Variants in SLC28A3 observed in about 807,000 individuals in gnomAD.
SLC28A3 encodes solute carrier family 28 member 3.
SLC28A3 carries 68 observed loss-of-function variants against 84.2 expected under a neutral mutation model. The ratio of observed to expected loss-of-function variants is 0.81; its 90% confidence interval spans 0.66 to 0.99. SLC28A3 has a LOEUF of 0.99. SLC28A3 is among the 50% of genes least tolerant of loss of function. The pLI is 0.00. For missense variants in SLC28A3, 712 were observed against 841.5 expected (o/e 0.85, Z 1.90); for synonymous variants, 267 against 303.6 (o/e 0.88, Z 1.25).
At chr9:84,335,020 C>A (rs888361704) in intron 1 of SLC28A3, among the ~76,000 whole-genome samples, 1 of 152,094 alleles carries the variant, frequency 6.6e-6, no homozygotes, top group Non-Finnish European at 1.5e-5. Flanking sequence ...TCCTTAAGCG[C>A]TACTGTTTCC....
intron 1 of SLC28A3, among the ~76,000 whole-genome samples, chr9:84,314,935 G>A (rs924115242): frequency 2.0e-5 from 3 of 152,232 alleles, no homozygotes; most frequent in African/African-American, 7.2e-5. Context: ...ACATTAGCTG[G>A]GCGTGGTGGC....
At chr9:84,354,407 T>A in the SLC28A3 span, among the ~76,000 whole-genome samples, 3 of 152,242 alleles carry the variant, frequency 2.0e-5, no homozygotes, top group Non-Finnish European at 4.4e-5. Flanking sequence ...CACCTAGGAC[T>A]TCTTGTGCTA....
intron 1 of SLC28A3, among the ~76,000 whole-genome samples, chr9:84,314,859 A>G (rs1826112785): frequency 6.6e-6 from 1 of 152,212 alleles, no homozygotes; most frequent in South Asian, 2.1e-4. Flanking sequence ...TGGGCGGATC[A>G]CGAGGTCAGG....
intron 1 of SLC28A3, among the ~76,000 whole-genome samples, chr9:84,316,039 A>G (rs1369013164): frequency 1.3e-5 from 2 of 152,254 alleles, no homozygotes; most frequent in Middle Eastern, 6.8e-3. Flanking sequence ...TAGGTGTGCT[A>G]AAAGATGAGG....
rs1459252838 is a variant in SLC28A3 at position 84,297,887 on chromosome 9, T to C, written c.783+19A>G. On this transcript the variant is annotated intron_variant, in intron 7 of 17. Transcript: ENST00000376238. ...TAAAAGCACCATAAAAGCAAAGTGTTCTTTTGAACCAAACTTACCTGAACT... is the reference window on the plus strand; with the variant it reads ...TAAAAGCACCATAAAAGCAAAGTGTCCTTTTGAACCAAACTTACCTGAACT... 1 of 1,580,362 alleles carries C rather than the reference T, an allele frequency of 6.3e-7. No homozygotes were observed. The highest frequency in any genetic ancestry group is 2.0e-5 in the Admixed American group (1 of 49,970).
rs71498094 is a variant in SLC28A3 at position 84,286,445 on chromosome 9, C to CTTTTTT, written c.1281-340_1281-335dup. ...ATAGCATGTGTGCCACCATGCTTGG[C>CTTTTTT]TTTTTTTTTTTTTTTTTTTTTTTAA... On this transcript the variant is annotated intron_variant, in intron 12 of 17. Transcript: ENST00000376238. 9.1e-3 allele frequency among the ~76,000 whole-genome samples: 795 copies of CTTTTTT among 87,626 alleles called. 46 individuals carry two copies. Among genetic ancestry groups the CTTTTTT allele is most frequent in the African/African-American group, 0.027 (574 of 21,004 alleles). 57.5% of individuals were successfully genotyped at this position (87,626 alleles called of 152,430 possible). A position where few individuals can be genotyped will look rare whatever the true frequency, so the allele number is the denominator to read the frequency against.
chr9:84,354,303 C>A, the SLC28A3 span, among the ~76,000 whole-genome samples: 1 of 152,194 alleles, frequency 6.6e-6, no homozygotes. Context: ...GGGCATAGGG[C>A]TGTGCATGGA....
chr9:84,280,114 G>A, intron 15 of SLC28A3, 41 bp from the exon 16 acceptor site: 1 of 1,582,536 alleles, frequency 6.3e-7, no homozygotes, highest in Non-Finnish European at 8.6e-7. Flanking sequence ...CAATGTTGAA[G>A]TACTGATTAA....
the SLC28A3 span, among the ~76,000 whole-genome samples, chr9:84,357,880 C>A: frequency 6.6e-6 from 1 of 152,134 alleles, no homozygotes; most frequent in Non-Finnish European, 1.5e-5. Context: ...TTGGCATCAC[C>A]AGAAGGAACA....
the SLC28A3 span, among the ~76,000 whole-genome samples, chr9:84,354,602 C>T: frequency 6.6e-6 from 1 of 152,226 alleles, no homozygotes; most frequent in African/African-American, 2.4e-5. Context: ...AATCCCGGCA[C>T]TTTAGGAGGC....
chr9:84,337,981 G>T (rs1827040418), intron 1 of SLC28A3, among the ~76,000 whole-genome samples: 1 of 152,110 alleles, frequency 6.6e-6, no homozygotes, highest in Admixed American at 6.6e-5. Context: ...AACAGCAATT[G>T]GTGCTCCCTT....
At chr9:84,316,328 A>T (rs548006914) in intron 1 of SLC28A3, among the ~76,000 whole-genome samples, 1 of 152,380 alleles carries the variant, frequency 6.6e-6, no homozygotes, top group South Asian at 2.1e-4. Flanking sequence ...AAAAGATTAC[A>T]TATCCAAGCT....
intron 2 of SLC28A3, 92 bp downstream of exon 2, chr9:84,313,267 G>A (rs990948599): frequency 4.7e-6 from 5 of 1,058,704 alleles, no homozygotes; most frequent in Non-Finnish European, 7.1e-6. Context: ...CGTGCCAGTG[G>A]GGCGCCATGC....
chr9:84,327,438 A>G (rs937807077), intron 1 of SLC28A3, among the ~76,000 whole-genome samples: 26 of 151,636 alleles, frequency 1.7e-4, no homozygotes, highest in African/African-American at 6.1e-4. Flanking sequence ...TCAGAACATC[A>G]TGCTTTGTGG....
intron 1 of SLC28A3, among the ~76,000 whole-genome samples, chr9:84,334,809 G>A (rs1199625805): frequency 1.3e-5 from 2 of 151,676 alleles, no homozygotes; most frequent in South Asian, 2.1e-4. Flanking sequence ...CAACCCTAGC[G>A]TCACCAGTAA....
At chr9:84,364,582 A>G in the SLC28A3 span, among the ~76,000 whole-genome samples, 1 of 151,960 alleles carries the variant, frequency 6.6e-6, no homozygotes, top group Admixed American at 6.6e-5. Context: ...ACTATAGTCA[A>G]TCTGTTGTGT....
chr9:84,283,571 T>G (rs1824855023), intron 14 of SLC28A3, among the ~76,000 whole-genome samples: 1 of 152,226 alleles, frequency 6.6e-6, no homozygotes, highest in Admixed American at 6.5e-5. Context: ...ACTTTTTCCT[T>G]TATCTTTTTT....
chr9:84,357,758 A>T, the SLC28A3 span, among the ~76,000 whole-genome samples: 60 of 152,266 alleles, frequency 3.9e-4, no homozygotes, highest in Non-Finnish European at 6.5e-4. Flanking sequence ...TGAGGCTCAG[A>T]AGTTGAACAC....
rs564269056 is a variant in SLC28A3, at chr9:84,278,295, G to C, written c.1999C>G (p.Leu667Val). The change falls in exon 18 of 18, where the codon CTG becomes GTG. Residue 667 changes from leucine (L) to valine (V), a missense_variant. Physicochemically the swap from Leu to Val is conservative, Grantham distance 32. Transcript: ENST00000376238. The part of the protein sequence containing the change: ...GEVIPGGNHS[L>V]YSLKGCCTLL... ...GTGCAGCAGCCCTTCAAAGAATACA[G>C]ACTGTGGTTTCCTCCTGGGATGACT... 7 of 1,614,158 alleles carry C rather than the reference G, an allele frequency of 4.3e-6. No homozygotes were observed. Among genetic ancestry groups the C allele is most frequent in the Middle Eastern group, 1.6e-4 (1 of 6,062 alleles).
Sources: gnomAD v4.1 joint callset for allele counts (sites outside exome capture counted in the v4.1 genomes callset) on GRCh38, gnomAD v4.1.1 for gene constraint, MANE v1.5 for transcripts, NCBI Gene and HGNC (gene_info 2026-07-23, HGNC 2026-07-21) for gene names.